The following DDAH1 variants were observed in gnomAD, a reference collection of about 807,000 sequenced individuals.
DDAH1 encodes the protein N(G),N(G)-dimethylarginine dimethylaminohydrolase 1.
In DDAH1, 19 loss-of-function variants were observed where a neutral mutation model predicts 28.8. That is an observed-to-expected ratio of 0.66 (90% CI 0.46 to 0.97). The LOEUF is 0.97. DDAH1 is among the 50% of genes least tolerant of loss of function. The pLI is 0.00. For synonymous variants in DDAH1, 153 were observed against 154.4 expected, an observed-to-expected ratio of 0.99 and a Z score of 0.07; for missense variants, 326 against 375.9, an observed-to-expected ratio of 0.87 and a Z score of 1.10.
chr1:85,543,126 C>G (rs1010814773), intron 1 of DDAH1, among the ~76,000 whole-genome samples: 6 of 151,992 alleles, frequency 3.9e-5, no homozygotes, highest in Admixed American at 1.3e-4. Flanking sequence ...TTATGTATCC[C>G]CAGGTTATGT....
chr1:85,523,149 G>A (rs1036381841), intron 1 of DDAH1, among the ~76,000 whole-genome samples: 4 of 152,218 alleles, frequency 2.6e-5, no homozygotes, highest in East Asian at 1.9e-4. Context: ...TAGGGCTCAC[G>A]CAGTTGAAGG....
At chr1:85,474,262 C>T (rs1655718689) in intron 2 of DDAH1, among the ~76,000 whole-genome samples, 1 of 152,238 alleles carries the variant, frequency 6.6e-6, no homozygotes, top group Non-Finnish European at 1.5e-5. Flanking sequence ...CAACAGCCAT[C>T]TTATCCAAGG....
intron 1 of DDAH1, among the ~76,000 whole-genome samples, chr1:85,363,668 T>G (rs1483440466): frequency 1.3e-5 from 2 of 152,204 alleles, no homozygotes; most frequent in Non-Finnish European, 2.9e-5. Context: ...ACAGATGGCT[T>G]GGAACTTGCT....
rs1176039504 is a variant in DDAH1 at position 85,434,721 on chromosome 1, G to A, written c.303+30022C>T. 2.0e-5 allele frequency among the ~76,000 whole-genome samples: 3 copies of A among 152,146 alleles called. No homozygotes were observed. In the East Asian group the frequency reaches 5.8e-4, roughly 29 times the overall value. On this transcript the variant is annotated intron_variant, in intron 1 of 5. Transcript: ENST00000284031. ...ATTCTGTTTTAATGTTACAATAAGT[G>A]ACATTCTCTGACCAAACACTATCCC... is the stretch of plus-strand genomic sequence containing the variant.
chr1:85,507,973 T>G (rs1657083608), intron 1 of DDAH1, among the ~76,000 whole-genome samples: 1 of 152,244 alleles, frequency 6.6e-6, no homozygotes, highest in Non-Finnish European at 1.5e-5. Flanking sequence ...TAAGCCCTTT[T>G]GGCAAGAATA....
intron 1 of DDAH1, among the ~76,000 whole-genome samples, chr1:85,534,141 G>A (rs1290866050): frequency 6.6e-6 from 1 of 152,156 alleles, no homozygotes; most frequent in African/African-American, 2.4e-5. Flanking sequence ...GCATTCTACA[G>A]GCTCCGTAAT....
rs1488800184 is a variant in DDAH1 at position 85,421,393 on chromosome 1, C to T, written c.303+43350G>A. ...CCCGCTTCAGTGAGGTTGCTTCACA[C>T]ATTGTAACACAGTTAGATTGGTTTT... On this transcript the variant is annotated intron_variant, in intron 1 of 5. Coordinates refer to ENST00000284031, the MANE Select transcript of DDAH1 (RefSeq NM_012137.4). 5.9e-5 allele frequency among the ~76,000 whole-genome samples: 9 copies of T among 152,200 alleles called. No individual in the cohort carries two copies. In the East Asian group the frequency reaches 1.7e-3, roughly 29 times the overall value.
chr1:85,535,839 A>T (rs1244916145), intron 1 of DDAH1, among the ~76,000 whole-genome samples: 4 of 151,768 alleles, frequency 2.6e-5, no homozygotes, highest in African/African-American at 7.3e-5. Flanking sequence ...ACAGCAAAAA[A>T]GTCCAAATAA....
At chr1:85,549,698 G>T (rs993798972) in intron 1 of DDAH1, among the ~76,000 whole-genome samples, 2 of 152,162 alleles carry the variant, frequency 1.3e-5, no homozygotes, top group Non-Finnish European at 2.9e-5. Context: ...AAGGAGTTAA[G>T]AGAAATAAGA....
intron 1 of DDAH1, among the ~76,000 whole-genome samples, chr1:85,431,528 G>A (rs562086403): frequency 1.3e-5 from 2 of 151,904 alleles, no homozygotes; most frequent in African/African-American, 4.8e-5. Flanking sequence ...AAAACCTATG[G>A]TCCCTCTCTC....
At chr1:85,368,760 A>G (rs992005668) in intron 1 of DDAH1, among the ~76,000 whole-genome samples, 6 of 152,190 alleles carry the variant, frequency 3.9e-5, no homozygotes, top group Non-Finnish European at 8.8e-5. Flanking sequence ...ATTCTAAACT[A>G]ATTTTCCTGA....
chr1:85,341,596 C>T (rs1346806017), intron 4 of DDAH1, among the ~76,000 whole-genome samples: 1 of 152,076 alleles, frequency 6.6e-6, no homozygotes, highest in Non-Finnish European at 1.5e-5. Context: ...CGGTGGATCA[C>T]GAGGTCAGGA....
At chr1:85,537,627 G>A (rs1658336566) in intron 1 of DDAH1, among the ~76,000 whole-genome samples, 1 of 146,560 alleles carries the variant, frequency 6.8e-6, no homozygotes, top group Admixed American at 6.9e-5. Flanking sequence ...ATAGTTACTA[G>A]TAATAGCAAT....
intron 2 of DDAH1, among the ~76,000 whole-genome samples, chr1:85,482,002 G>T (rs937084350): frequency 1.3e-5 from 2 of 152,178 alleles, no homozygotes; most frequent in African/African-American, 4.8e-5. Flanking sequence ...TACGTCAGTT[G>T]CTCCCATGTA....
intron 1 of DDAH1, among the ~76,000 whole-genome samples, chr1:85,551,861 C>A (rs1207017883): frequency 6.6e-6 from 1 of 152,126 alleles, no homozygotes; most frequent in African/African-American, 2.4e-5. Context: ...ATGGCATGCT[C>A]AGGGAATGGC....
At chr1:85,395,671 T>TC (rs1389776503) in intron 1 of DDAH1, among the ~76,000 whole-genome samples, 13 of 48,704 alleles carry the variant, frequency 2.7e-4, no homozygotes, top group African/African-American at 6.3e-4. Context: ...AGACTCCATC[T>TC]CAAAAAAAAA....
At chr1:85,336,490 G>A (rs1325286437) in intron 4 of DDAH1, among the ~76,000 whole-genome samples, 38 of 151,876 alleles carry the variant, frequency 2.5e-4, no homozygotes, top group Admixed American at 2.5e-3. Context: ...CCAGAAACAA[G>A]TGAAAATGGA....
chr1:85,358,941 G>GCA lies in DDAH1; in HGVS notation c.304-96_304-95dup. The GCA allele has an allele frequency of 3.5e-6, 3 of 849,696 alleles. No homozygotes were observed. In the Admixed American group the frequency reaches 6.5e-5, roughly 18 times the overall value. 52.6% of individuals were successfully genotyped at this position (849,696 alleles called of 1,614,324 possible). ...TCTAAACACTAAATCAAGCTCTCGT[G>GCA]CACACACCCACACACATCCACACTC... On this transcript the variant is annotated intron_variant, in intron 1 of 5. Coordinates refer to ENST00000284031, the MANE Select transcript of DDAH1 (RefSeq NM_012137.4).
chr1:85,387,861 C>G (rs1651356770), intron 1 of DDAH1, among the ~76,000 whole-genome samples: 1 of 152,202 alleles, frequency 6.6e-6, no homozygotes. Flanking sequence ...GCACCAGCAT[C>G]TACTTCTGAC....
Sources: allele counts gnomAD v4.1 joint callset (sites outside exome capture counted in the v4.1 genomes callset), GRCh38; gene constraint gnomAD v4.1.1; transcripts MANE v1.5; gene names NCBI Gene and HGNC (gene_info 2026-07-23, HGNC 2026-07-21).